SYNPO2: variants seen among roughly 807,000 people sequenced by gnomAD.
SYNPO2 encodes synaptopodin-2.
In SYNPO2, 56 loss-of-function variants were observed where a neutral mutation model predicts 85.0. That is an observed-to-expected ratio of 0.66 (90% CI 0.53 to 0.82). The LOEUF (loss-of-function observed/expected upper bound fraction) is 0.82, where lower values mean the gene tolerates loss of function less well. Ranked by LOEUF, SYNPO2 falls within the 40% of genes least tolerant of loss-of-function variation. The pLI, the probability that SYNPO2 is intolerant of heterozygous loss-of-function variation, is 0.00. For missense variants in SYNPO2, 1,575 were observed against 1,534.2 expected (o/e 1.03, Z -0.44); for synonymous variants, 602 against 591.1 (o/e 1.02, Z -0.27).
rs570946345 is a variant in SYNPO2, at chr4:119,041,362, G to C, written c.3252+9335G>C. On this transcript the variant is annotated intron_variant, in intron 4 of 4. Transcript: ENST00000307142. ...GCATATCTAACACTGATAAAGAAATGTTCACAAAACCATTTTCTAGAGCTA... is the reference window on the plus strand; with the variant it reads ...GCATATCTAACACTGATAAAGAAATCTTCACAAAACCATTTTCTAGAGCTA... Among the ~76,000 whole-genome samples, 4 of 152,196 alleles carry C rather than the reference G, an allele frequency of 2.6e-5. No individual in the cohort carries two copies. The South Asian group carries it at 8.3e-4, about 32-fold the overall frequency.
At chr4:118,884,753 CTT>C (rs1424178886), upstream of SYNPO2, among the ~76,000 whole-genome samples, 1 of 152,102 alleles carries the variant, frequency 6.6e-6, no homozygotes, top group Non-Finnish European at 1.5e-5. Context: ...TCTGGGAACT[CTT>C]ATTTATTTTT....
At chr4:118,948,958 AC>A (rs1172184675) in intron 1 of SYNPO2, among the ~76,000 whole-genome samples, 14 of 152,294 alleles carry the variant, frequency 9.2e-5, no homozygotes, top group Admixed American at 9.2e-4. Context: ...TCCTTAATCT[AC>A]CCACTGGAGG....
At position 119,058,075 on chromosome 4, in the gene SYNPO2, T is replaced by A; in HGVS notation, c.*141T>A. ...TAAGTCATTTATCTAAGTTTGTGTTTCTGTGTGTGTGTGTGTGTGTGTATG... is the reference window on the plus strand; with the variant it reads ...TAAGTCATTTATCTAAGTTTGTGTTACTGTGTGTGTGTGTGTGTGTGTATG... On this transcript the variant is annotated 3_prime_UTR_variant, in exon 5 of 5. Transcript: ENST00000307142. The A allele has an allele frequency of 1.4e-6, 1 of 726,598 alleles. No individual in the cohort carries two copies. The highest frequency in any genetic ancestry group is 2.0e-6 in the Non-Finnish European group (1 of 488,884). The allele number at this position is 726,598 out of a possible 1,614,324, so 45.0% of individuals were successfully genotyped here.
chr4:119,022,223 A>G (rs575309244), intron 1 of SYNPO2, among the ~76,000 whole-genome samples: 2 of 152,228 alleles, frequency 1.3e-5, no homozygotes, highest in East Asian at 1.9e-4. Context: ...TCCTTCTTAT[A>G]GTCATGGCGT....
At chr4:118,952,864 A>G (rs1398893186) in intron 1 of SYNPO2, among the ~76,000 whole-genome samples, 2 of 152,170 alleles carry the variant, frequency 1.3e-5, no homozygotes, top group Non-Finnish European at 2.9e-5. Context: ...TAATAGTATA[A>G]CAACCTCGGA....
intron 1 of SYNPO2, among the ~76,000 whole-genome samples, chr4:118,894,077 T>C (rs1010055044): frequency 6.6e-6 from 1 of 151,216 alleles, no homozygotes; most frequent in African/African-American, 2.4e-5. Flanking sequence ...GTTCATGAAA[T>C]CATCATCATC....
chr4:119,034,920 G>C, intron 4 of SYNPO2: 1 of 985,450 alleles, frequency 1.0e-6, no homozygotes, highest in Non-Finnish European at 1.2e-6. Context: ...TTGATTGGTT[G>C]GTCCGCTGGT....
intron 1 of SYNPO2, among the ~76,000 whole-genome samples, chr4:118,964,297 A>ACAAC (rs1459263437): frequency 7.1e-6 from 1 of 140,616 alleles, no homozygotes; most frequent in African/African-American, 2.7e-5. Flanking sequence ...AAACACACAC[A>ACAAC]ACACACACAC....
chr4:119,048,056 C>T (rs1208362402), intron 4 of SYNPO2, among the ~76,000 whole-genome samples: 4 of 152,106 alleles, frequency 2.6e-5, no homozygotes, highest in East Asian at 1.9e-4. Flanking sequence ...AAATCAAAGC[C>T]GTTTGAAACT....
intron 1 of SYNPO2, among the ~76,000 whole-genome samples, chr4:118,952,284 C>T (rs1353553943): frequency 1.3e-5 from 2 of 152,138 alleles, no homozygotes; most frequent in Non-Finnish European, 2.9e-5. Context: ...CTTCATTTAC[C>T]ACATAGAGGA....
At chr4:119,014,308 G>T (rs929001632) in intron 1 of SYNPO2, among the ~76,000 whole-genome samples, 4 of 152,162 alleles carry the variant, frequency 2.6e-5, no homozygotes, top group Non-Finnish European at 5.9e-5. Flanking sequence ...CAGCTACTCG[G>T]GAGGCTGAGG....
chr4:118,864,045 G>C (rs1731662403), intron 1 of SYNPO2, among the ~76,000 whole-genome samples: 1 of 152,120 alleles, frequency 6.6e-6, no homozygotes, highest in Admixed American at 6.5e-5. Flanking sequence ...CGCATCACTA[G>C]CTTGTTTATT....
At chr4:118,927,591 G>A (rs988175479) in intron 1 of SYNPO2, among the ~76,000 whole-genome samples, 14 of 152,130 alleles carry the variant, frequency 9.2e-5, no homozygotes, top group African/African-American at 3.1e-4. Flanking sequence ...GAGAGAAAGA[G>A]GTATGTGCTT....
In SYNPO2 at chr4:119,020,415, G is replaced by A. The variant is rs150308691; in HGVS notation, c.106-3015G>A. Among the ~76,000 whole-genome samples, 544 of 152,228 alleles carry A rather than the reference G, an allele frequency of 3.6e-3. 3 individuals are homozygous for A. The highest frequency in any genetic ancestry group is 3.3e-3 in the Non-Finnish European group (223 of 67,990). ...GCTCCAACTTGACAAGCAGGATGAT[G>A]AACTGCACTTTTCCTATCATGCAAC... On this transcript the variant is annotated intron_variant, in intron 1 of 4. Coordinates refer to ENST00000307142, the MANE Select transcript of SYNPO2 (RefSeq NM_133477.3).
chr4:118,901,736 A>T (rs1354808320), intron 1 of SYNPO2, among the ~76,000 whole-genome samples: 1 of 152,144 alleles, frequency 6.6e-6, no homozygotes, highest in Non-Finnish European at 1.5e-5. Flanking sequence ...TTGACGAGAA[A>T]CCCTCCACCC....
At position 119,046,101 on chromosome 4, in the gene SYNPO2, T is replaced by C. The variant is rs77596115; in HGVS notation, c.3253-11300T>C. On this transcript the variant is annotated intron_variant, in intron 4 of 4. Transcript: ENST00000307142. Reference sequence around the variant, plus strand: ...TGCCTCACTTTCCTTATTTGCAAAATGGAGGCCATAAGGTTGTTGAGAGGA... The same window carrying C: ...TGCCTCACTTTCCTTATTTGCAAAACGGAGGCCATAAGGTTGTTGAGAGGA... 1.2e-4 allele frequency among the ~76,000 whole-genome samples: 18 copies of C among 152,280 alleles called. No homozygotes were observed. The East Asian group carries it at 3.3e-3, about 28-fold the overall frequency.
intron 1 of SYNPO2, among the ~76,000 whole-genome samples, chr4:119,018,388 A>T (rs1268408514): frequency 6.6e-6 from 1 of 152,168 alleles, no homozygotes; most frequent in Non-Finnish European, 1.5e-5. Context: ...GCTATTGTGA[A>T]TAGTGCTGCA....
chr4:118,948,986 G>T (rs1035130533), intron 1 of SYNPO2, among the ~76,000 whole-genome samples: 41 of 152,178 alleles, frequency 2.7e-4, no homozygotes, highest in Non-Finnish European at 5.9e-4. Flanking sequence ...GAATAAGAAA[G>T]CCTGGGTTTC....
chr4:118,878,926 T>C (rs6534110), intron 1 of SYNPO2, among the ~76,000 whole-genome samples: 130,643 of 152,192 alleles, frequency 0.86, 56,138 homozygotes, highest in Admixed American at 0.9. Context: ...CCTACTGCTG[T>C]TCAGTTTTTG....
Sources: gnomAD v4.1 joint callset for allele counts (sites outside exome capture counted in the v4.1 genomes callset) on GRCh38, gnomAD v4.1.1 for gene constraint, MANE v1.5 for transcripts, NCBI Gene and HGNC (gene_info 2026-07-23, HGNC 2026-07-21) for gene names.